The following ITPKA variants were observed in gnomAD, a reference collection of about 807,000 sequenced individuals.
ITPKA encodes inositol-trisphosphate 3-kinase A.
A neutral mutation model predicts 40.7 loss-of-function variants in ITPKA; 16 were observed. The observed-to-expected ratio is 0.39, with a 90% confidence interval of 0.27 to 0.60. The LOEUF is 0.60. Ranked by LOEUF, ITPKA falls within the 20% of genes least tolerant of loss-of-function variation. The probability of loss-of-function intolerance (pLI) is 0.50; values close to 1 mark genes in which losing one functional copy is unlikely to be tolerated. For synonymous variants in ITPKA, 313 were observed against 289.9 expected (o/e 1.08, Z -0.81); for missense variants, 540 against 649.3 (o/e 0.83, Z 1.83).
intron 1 of ITPKA, among the ~76,000 whole-genome samples, chr15:41,499,247 G>A (rs1326140864): frequency 6.6e-6 from 1 of 152,216 alleles, no homozygotes; most frequent in Non-Finnish European, 1.5e-5. Context: ...CATGCTTCTA[G>A]TGGGCTGCTT....
intron 1 of ITPKA, among the ~76,000 whole-genome samples, chr15:41,501,056 T>C (rs1291872858): frequency 6.9e-6 from 1 of 145,508 alleles, no homozygotes; most frequent in African/African-American, 2.6e-5. Context: ...TAGACCAACT[T>C]AGAACATCCC....
Position 41,494,307 on chromosome 15 carries a change from C to A in ITPKA, c.380C>A (p.Ser127Tyr), listed in dbSNP as rs936546733. ...PRRLSTSSVS[S>Y]TGSSSLLEDS... is the part of the protein sequence containing the mutation. ...CGCCTTTCCACCTCGTCGGTCTCCTCCACTGGCTCCTCGTCGCTGCTCGAG... is the reference window on the plus strand; with the variant it reads ...CGCCTTTCCACCTCGTCGGTCTCCTACACTGGCTCCTCGTCGCTGCTCGAG... Residue 127 changes from serine to tyrosine, a missense_variant, in exon 1 of 7, where the codon TCC becomes TAC. Physicochemically the swap from Ser to Tyr is moderately radical, Grantham distance 144. Transcript: ENST00000260386. This position sits in a 1 kb window ranked among gnomAD's most constrained non-coding sequence, Gnocchi z 7.8. The A allele has an allele frequency of 5.1e-5, 79 of 1,541,402 alleles. No homozygotes were observed. Among genetic ancestry groups the A allele is most frequent in the Non-Finnish European group, 6.7e-5 (77 of 1,151,260 alleles).
chr15:41,501,957 G>T lies in ITPKA; in HGVS notation c.804-40G>T, dbSNP rs1319012301. 2.5e-6 allele frequency: 4 copies of T among 1,599,356 alleles called. No homozygotes were observed. The East Asian group carries it at 6.7e-5, about 27-fold the overall frequency. On this transcript the variant is annotated intron_variant, in intron 3 of 6. Coordinates refer to ENST00000260386, the MANE Select transcript of ITPKA (RefSeq NM_002220.3). ...CGAGTGCTCGAAGGGGTCTCCGTGT[G>T]CGCCCCCTCATGCCCTGGCCGCTGC... is the stretch of plus-strand genomic sequence containing the variant.
chr15:41,494,313 G>T lies in ITPKA; in HGVS notation c.386G>T (p.Gly129Val). 6.5e-7 allele frequency: 1 copy of T among 1,537,040 alleles called. No individual in the cohort carries two copies. Among genetic ancestry groups the T allele is most frequent in the Non-Finnish European group, 8.7e-7 (1 of 1,148,934 alleles). ...RLSTSSVSST[G>V]SSSLLEDSED... ...TCCACCTCGTCGGTCTCCTCCACTG[G>T]CTCCTCGTCGCTGCTCGAGGACTCG... is the stretch of plus-strand genomic sequence containing the variant. Residue 129 changes from glycine to valine, a missense_variant, in exon 1 of 7, where the codon GGC (glycine) becomes GTC (valine). Transcript: ENST00000260386. This position sits in a 1 kb window ranked among gnomAD's most constrained non-coding sequence, Gnocchi z 7.8.
chr15:41,502,671 G>T, intron 5 of ITPKA, 117 bp from the exon 6 acceptor site: 2 of 1,080,640 alleles, frequency 1.9e-6, no homozygotes, highest in Non-Finnish European at 1.3e-6. Flanking sequence ...CGGGGCCCTG[G>T]GTCCTCCTCC....
chr15:41,494,552 T>G lies in ITPKA; in HGVS notation c.489+136T>G. On this transcript the variant is annotated intron_variant, in intron 1 of 6. Coordinates refer to ENST00000260386, the MANE Select transcript of ITPKA (RefSeq NM_002220.3). This position sits in a 1 kb window ranked among gnomAD's most constrained non-coding sequence, Gnocchi z 7.8. ...CTGTTCTCGCGGTTTAGGAGGAATC[T>G]GGGGGTCAGAGGGAGGCGCCTGGCC... The G allele has an allele frequency of 1.7e-6, 1 of 592,230 alleles. No individual in the cohort carries two copies. Among genetic ancestry groups the G allele is most frequent in the East Asian group, 3.5e-5 (1 of 28,692 alleles). The allele number at this position is 592,230 out of a possible 1,614,324, so 36.7% of individuals were successfully genotyped here.
Position 41,494,094 on chromosome 15 carries a change from C to G in ITPKA, c.167C>G (p.Ala56Gly). ...GCCGCCGCCGCGGGGGAGCCCCGGG[C>G]CCGCGGGGCCAAGCGGCGTGGGGGA... ...AAAAAAGEPR[A>G]RGAKRRGGQV... The change falls in exon 1 of 7, where the codon GCC becomes GGC. Residue 56 changes from alanine to glycine, a missense_variant. Coordinates refer to ENST00000260386, the MANE Select transcript of ITPKA (RefSeq NM_002220.3). This position sits in a 1 kb window ranked among gnomAD's most constrained non-coding sequence, Gnocchi z 7.8. 7.8e-7 allele frequency: 1 copy of G among 1,284,660 alleles called. No individual in the cohort carries two copies. Among genetic ancestry groups the G allele is most frequent in the Non-Finnish European group, 9.8e-7 (1 of 1,017,830 alleles). The allele number at this position is 1,284,660 out of a possible 1,614,324, so 79.6% of individuals were successfully genotyped here.
intron 1 of ITPKA, among the ~76,000 whole-genome samples, chr15:41,499,415 C>A (rs981132758): frequency 6.6e-6 from 1 of 152,164 alleles, no homozygotes; most frequent in Non-Finnish European, 1.5e-5. Flanking sequence ...GTTCGTGTTA[C>A]GGCAGCAGCT....
chr15:41,498,910 G>A (rs1439349055), intron 1 of ITPKA, among the ~76,000 whole-genome samples: 1 of 152,198 alleles, frequency 6.6e-6, no homozygotes, highest in African/African-American at 2.4e-5. Context: ...AGGGAGGATG[G>A]GCTGATAGCT....
chr15:41,498,495 C>T (rs962696397), intron 1 of ITPKA, among the ~76,000 whole-genome samples: 1 of 152,050 alleles, frequency 6.6e-6, no homozygotes, highest in Non-Finnish European at 1.5e-5. Flanking sequence ...AGACACACAT[C>T]AAATCCTCTT....
Position 41,503,133 on chromosome 15 carries a change from C to G in ITPKA, c.1353C>G (p.Leu451=). ...EDGYLLGLDN[L]IGILASLAER is the part of the protein sequence containing the mutation. ...GCTATTTGCTGGGGCTGGACAATCT[C>G]ATTGGCATCCTGGCCAGCCTGGCTG... Residue 451 remains leucine (L), a synonymous_variant, in exon 7 of 7, where the codon CTC becomes CTG. Coordinates refer to ENST00000260386, the MANE Select transcript of ITPKA (RefSeq NM_002220.3). The G allele has an allele frequency of 6.3e-7, 1 of 1,593,430 alleles. No individual in the cohort carries two copies. The highest frequency in any genetic ancestry group is 8.6e-7 in the Non-Finnish European group (1 of 1,163,522).
Position 41,494,452 on chromosome 15 carries a change from G to C in ITPKA, c.489+36G>C, listed in dbSNP as rs1359271959. The C allele has an allele frequency of 1.5e-6, 2 of 1,357,768 alleles. No homozygotes were observed. Among genetic ancestry groups the C allele is most frequent in the Non-Finnish European group, 1.9e-6 (2 of 1,045,660 alleles). The allele number at this position is 1,357,768 out of a possible 1,614,324, so 84.1% of individuals were successfully genotyped here. A position where few individuals can be genotyped will look rare whatever the true frequency, so the allele number is the denominator to read the frequency against. ...CGGGGGCGGGGCCAGCGCCGGGCGC[G>C]GGGGCTGCACGGGGGACCTGGCTGG... On this transcript the variant is annotated intron_variant, in intron 1 of 6. Transcript: ENST00000260386. This position sits in a 1 kb window ranked among gnomAD's most constrained non-coding sequence, Gnocchi z 7.8.
rs943222940 is a variant in ITPKA, at chr15:41,503,049, C to T, written c.1269C>T (p.Leu423=). The change falls in exon 7 of 7, where the codon CTC becomes CTT. Residue 423 remains leucine, a synonymous_variant. Coordinates refer to ENST00000260386, the MANE Select transcript of ITPKA (RefSeq NM_002220.3). ...TCGACTTCGGCAAGACCACGCCCCTCCCCGATGGCCAGATCCTGGACCACC... is the reference window on the plus strand; with the variant it reads ...TCGACTTCGGCAAGACCACGCCCCTTCCCGATGGCCAGATCCTGGACCACC... The part of the protein sequence containing the change: ...WLIDFGKTTP[L]PDGQILDHRR... 1 of 1,610,464 alleles carries T rather than the reference C, an allele frequency of 6.2e-7. No individual in the cohort carries two copies. Among genetic ancestry groups the T allele is most frequent in the South Asian group, 1.1e-5 (1 of 90,934 alleles).
Position 41,501,818 on chromosome 15 carries a change from G to T in ITPKA, c.770G>T (p.Gly257Val), listed in dbSNP as rs2051113175. 1 of 1,613,452 alleles carries T rather than the reference G, an allele frequency of 6.2e-7. No individual in the cohort carries two copies. Among genetic ancestry groups the T allele is most frequent in the Non-Finnish European group, 8.5e-7 (1 of 1,179,882 alleles). Residue 257 changes from glycine (G) to valine (V), a missense_variant, in exon 3 of 7, where the codon GGA (glycine) becomes GTA (valine). Transcript: ENST00000260386. The part of the protein sequence containing the change: ...QLQDLLDGFD[G>V]PCVLDCKMGV... ...CAGGACCTGCTCGATGGCTTCGACGGACCTTGTGTGCTCGACTGCAAAATG... is the reference window on the plus strand; with the variant it reads ...CAGGACCTGCTCGATGGCTTCGACGTACCTTGTGTGCTCGACTGCAAAATG...
At position 41,502,792 on chromosome 15, in the gene ITPKA, G is replaced by C. The variant is rs755436645; in HGVS notation, c.1115G>C (p.Arg372Pro). 1.9e-5 allele frequency: 30 copies of C among 1,608,440 alleles called. No individual in the cohort carries two copies. The highest frequency in any genetic ancestry group is 2.1e-5 in the Non-Finnish European group (25 of 1,176,904). ...FVQGDEEVLR[R>P]YLNRLQQIRD... is the part of the protein sequence containing the mutation. ...CTCCCACCCCACCCTCTGCAGAGGC[G>C]GTATCTGAACCGCCTGCAGCAGATC... Residue 372 changes from arginine (R) to proline (P), a missense_variant, in exon 6 of 7, where the codon CGG (arginine) becomes CCG (proline). Arg to Pro is a moderately radical substitution (Grantham distance 103, BLOSUM62 -2). Transcript: ENST00000260386.
rs777632933 is a variant in ITPKA, at chr15:41,501,710, G to T, written c.662G>T (p.Arg221Leu). The T allele has an allele frequency of 8.7e-6, 14 of 1,610,832 alleles. No homozygotes were observed. Among genetic ancestry groups the T allele is most frequent in the Non-Finnish European group, 8.5e-6 (10 of 1,179,198 alleles). ...CSEPERYCLA[R>L]LMADALRGCV... Reference sequence around the variant, plus strand: ...GAGCCGGAGCGCTACTGCCTGGCGCGGCTGATGGCTGACGCGCTGCGCGGC... The same window carrying T: ...GAGCCGGAGCGCTACTGCCTGGCGCTGCTGATGGCTGACGCGCTGCGCGGC... Residue 221 changes from arginine (R) to leucine (L), a missense_variant, in exon 3 of 7, where the codon CGG becomes CTG. Transcript: ENST00000260386.
intron 1 of ITPKA, among the ~76,000 whole-genome samples, chr15:41,499,116 T>G (rs2051093187): frequency 6.6e-6 from 1 of 152,236 alleles, no homozygotes; most frequent in Non-Finnish European, 1.5e-5. Flanking sequence ...ATCATCTTCC[T>G]GGAATTTTAC....
intron 1 of ITPKA, among the ~76,000 whole-genome samples, chr15:41,496,077 G>T (rs74012301): frequency 0.033 from 5,003 of 152,328 alleles, 201 homozygotes; most frequent in African/African-American, 0.094. Context: ...CAGGCCCGCC[G>T]GGGCCTCCCC....
At chr15:41,497,029 G>A (rs1368185046) in intron 1 of ITPKA, among the ~76,000 whole-genome samples, 3 of 152,144 alleles carry the variant, frequency 2.0e-5, no homozygotes, top group African/African-American at 7.2e-5. Flanking sequence ...AAGATACACT[G>A]TGTATCTGGC....
Sources: allele counts gnomAD v4.1 joint callset (sites outside exome capture counted in the v4.1 genomes callset), GRCh38; gene constraint gnomAD v4.1.1; non-coding constraint Gnocchi (gnomAD v3.1); transcripts MANE v1.5; gene names NCBI Gene and HGNC (gene_info 2026-07-23, HGNC 2026-07-21).